The following SH2D3A variants were observed in gnomAD, a reference collection of about 807,000 sequenced individuals.
The protein encoded by SH2D3A is SH2 domain containing 3A.
SH2D3A carries 46 observed loss-of-function variants against 50.6 expected under a neutral mutation model. The ratio of observed to expected loss-of-function variants is 0.91; its 90% confidence interval spans 0.72 to 1.16. The LOEUF is 1.16. SH2D3A is among the 50% of genes most tolerant of loss of function. SH2D3A has a pLI of 0.00. For synonymous variants in SH2D3A, 377 were observed against 348.4 expected, an observed-to-expected ratio of 1.08 and a Z score of -0.91; for missense variants, 783 against 786.2, an observed-to-expected ratio of 1.00 and a Z score of 0.05.
At chr19:6,759,450 C>T (rs767225525) in intron 4 of SH2D3A, 144 bp downstream of exon 4, 2 of 728,796 alleles carry the variant, frequency 2.7e-6, no homozygotes, top group Non-Finnish European at 4.7e-6. Context: ...AAAGTCCCTG[C>T]ATGTTTTAAG....
At chr19:6,759,438 A>AC in intron 4 of SH2D3A, 156 bp downstream of exon 4, 1 of 686,008 alleles carries the variant, frequency 1.5e-6, no homozygotes, top group Non-Finnish European at 2.5e-6. Flanking sequence ...TTAAGCACCC[A>AC]CAAAGTCCCT....
rs751655346 is a variant in SH2D3A, at chr19:6,752,682, G to A, written c.1642C>T (p.Arg548Trp). 7 of 1,552,642 alleles carry A rather than the reference G, an allele frequency of 4.5e-6. No homozygotes were observed. The African/African-American group carries it at 5.5e-5, about 12-fold the overall frequency. Residue 548 changes from arginine to tryptophan, a missense_variant, in exon 10 of 10, where the codon CGG becomes TGG. Arg to Trp is a moderately radical substitution (Grantham distance 101, BLOSUM62 -3). Coordinates refer to ENST00000245908, the MANE Select transcript of SH2D3A (RefSeq NM_005490.3). ...GFVRRLLWGS[R>W]GAGAPRAERF... ...TCAGCGCGCGGAGCTCCCGCGCCCC[G>A]GCTACCCCAGAGCAGCCTCCGCACG...
Position 6,760,931 on chromosome 19 carries a change from G to C in SH2D3A, c.126C>G (p.Ser42=). 1 of 1,613,746 alleles carries C rather than the reference G, an allele frequency of 6.2e-7. No individual in the cohort carries two copies. The highest frequency in any genetic ancestry group is 1.1e-5 in the South Asian group (1 of 91,040). The change falls in exon 3 of 10, where the codon TCC becomes TCG. Residue 42 remains serine (S), a synonymous_variant. Transcript: ENST00000245908. ...NGDFLVRASG[S]RGGNPVISCR... is the part of the protein sequence containing the mutation. ...AGGAGATCACGGGGTTGCCCCCACGGGACCCAGAGGCGCGAACCAGGAAGT... is the reference window on the plus strand; with the variant it reads ...AGGAGATCACGGGGTTGCCCCCACGCGACCCAGAGGCGCGAACCAGGAAGT...
At chr19:6,761,059 A>T in intron 2 of SH2D3A, 72 bp from the exon 3 acceptor site, 2 of 1,209,668 alleles carry the variant, frequency 1.7e-6, no homozygotes, top group Non-Finnish European at 2.3e-6. Context: ...AGCTCCCCCC[A>T]CCATTGCCCC....
At chr19:6,753,685 G>GGGC in intron 8 of SH2D3A, 44 bp from the exon 9 acceptor site, 1 of 1,475,374 alleles carries the variant, frequency 6.8e-7, no homozygotes, top group Non-Finnish European at 9.0e-7. Context: ...GCTGTAGATG[G>GGGC]GGCATAGGGC....
At position 6,755,227 on chromosome 19, in the gene SH2D3A, G is replaced by T. The variant is rs571714174; in HGVS notation, c.585C>A (p.Ala195=). 6.4e-7 allele frequency: 1 copy of T among 1,553,960 alleles called. No individual in the cohort carries two copies. Among genetic ancestry groups the T allele is most frequent in the South Asian group, 1.2e-5 (1 of 82,058 alleles). The change falls in exon 5 of 10, where the codon GCC becomes GCA. Residue 195 remains alanine (A), a synonymous_variant. Transcript: ENST00000245908. Reference sequence around the variant, plus strand: ...GCCCATCGGAGGCCCTGAGACTGTCGGCAACAGTTCCCAGGGGAGCAGGGG... The same window carrying T: ...GCCCATCGGAGGCCCTGAGACTGTCTGCAACAGTTCCCAGGGGAGCAGGGG... The part of the protein sequence containing the change: ...LKAPAPLGTV[A]DSLRASDGQL...
intron 5 of SH2D3A, 40 bp from the exon 6 acceptor site, chr19:6,754,771 T>G (rs368375400): frequency 1.9e-6 from 3 of 1,613,664 alleles, no homozygotes; most frequent in African/African-American, 2.7e-5. Flanking sequence ...AGCGTGATTA[T>G]GTAGGCATGG....
At chr19:6,753,360 G>C (rs1599575759) in intron 9 of SH2D3A, 96 bp downstream of exon 9, 3 of 1,401,008 alleles carry the variant, frequency 2.1e-6, no homozygotes, top group East Asian at 5.4e-5. Flanking sequence ...GGCGTGGCGA[G>C]AGGCTCCCCT....
rs1298498823 is a variant in SH2D3A at position 6,761,043 on chromosome 19, A to C, written c.70-56T>G. 4.4e-6 allele frequency: 6 copies of C among 1,364,720 alleles called. No individual in the cohort carries two copies. The African/African-American group carries it at 5.8e-5, about 13-fold the overall frequency. 84.5% of individuals were successfully genotyped at this position (1,364,720 alleles called of 1,614,324 possible). ...TAGGAATGAGTCCAGGGCAGTGGTT[A>C]ATGGTAGCTCCCCCCACCATTGCCC... On this transcript the variant is annotated intron_variant, in intron 2 of 9. Coordinates refer to ENST00000245908, the MANE Select transcript of SH2D3A (RefSeq NM_005490.3).
chr19:6,766,667 G>A (rs946155134), intron 1 of SH2D3A, among the ~76,000 whole-genome samples: 1 of 152,210 alleles, frequency 6.6e-6, no homozygotes, highest in Non-Finnish European at 1.5e-5. Context: ...TGACTAAGGA[G>A]ATTAAAGCTC....
chr19:6,753,656 G>T lies in SH2D3A; in HGVS notation c.1385-15C>A. The T allele has an allele frequency of 6.5e-7, 1 of 1,544,972 alleles. No homozygotes were observed. On this transcript the variant is annotated splice_polypyrimidine_tract_variant and intron_variant, in intron 8 of 9. Coordinates refer to ENST00000245908, the MANE Select transcript of SH2D3A (RefSeq NM_005490.3). Reference sequence around the variant, plus strand: ...GTCGCAGGGTCCTGCGGAGGGGGAGGGTCTGATCAGGGTTTGGGGCTGTAG... The same window carrying T: ...GTCGCAGGGTCCTGCGGAGGGGGAGTGTCTGATCAGGGTTTGGGGCTGTAG...
chr19:6,760,892 GC>G lies in SH2D3A; in HGVS notation c.164del (p.Gly55AlafsTer42). ...GGAACACCTCAAAATGGAGGGCTGAGCCCCGCCAGCGGCAGGAGATCACGGG... is the reference window on the plus strand; with the variant it reads ...GGAACACCTCAAAATGGAGGGCTGAGCCCGCCAGCGGCAGGAGATCACGGG... The part of the protein sequence containing the change: ...GNPVISCRWR[G>X]SALHFEVFRV... On this transcript the variant is annotated frameshift_variant, in exon 3 of 10. Coordinates refer to ENST00000245908, the MANE Select transcript of SH2D3A (RefSeq NM_005490.3). LOFTEE classifies it high-confidence loss of function. 6.2e-7 allele frequency: 1 copy of G among 1,614,232 alleles called. No individual in the cohort carries two copies. Among genetic ancestry groups the G allele is most frequent in the Non-Finnish European group, 8.5e-7 (1 of 1,180,042 alleles).
chr19:6,757,747 C>G (rs937109319), intron 4 of SH2D3A: 3 of 152,138 alleles, frequency 2.0e-5, no homozygotes, highest in African/African-American at 7.2e-5. Context: ...GAGTTCGAGA[C>G]CAGCCTGACC....
chr19:6,763,367 G>T (rs1970131799), intron 2 of SH2D3A, among the ~76,000 whole-genome samples: 1 of 152,116 alleles, frequency 6.6e-6, no homozygotes, highest in African/African-American at 2.4e-5. Flanking sequence ...CCTGGCTTGG[G>T]AGCCTCACAT....
intron 4 of SH2D3A, among the ~76,000 whole-genome samples, chr19:6,755,638 C>G (rs1438324089): frequency 6.6e-6 from 1 of 151,720 alleles, no homozygotes; most frequent in Non-Finnish European, 1.5e-5. Context: ...ATCCTCCCTC[C>G]TCGGCCTCCC....
chr19:6,764,987 C>T lies in SH2D3A; in HGVS notation c.-68-1171G>A, dbSNP rs56653406. Among the ~76,000 whole-genome samples the T allele has an allele frequency of 2.6e-4, 39 of 147,764 alleles. 1 individual carries two copies. The East Asian group carries it at 7.1e-3, about 27-fold the overall frequency. On this transcript the variant is annotated intron_variant, in intron 1 of 9. Transcript: ENST00000245908. ...CCGCCTGCTGGTTTCAAGCAATTCTCGTGCATCGGCCTCCTCAGTAGCTGG... is the reference window on the plus strand; with the variant it reads ...CCGCCTGCTGGTTTCAAGCAATTCTTGTGCATCGGCCTCCTCAGTAGCTGG...
In SH2D3A at chr19:6,762,087, G is replaced by A. The variant is rs536149196; in HGVS notation, c.70-1100C>T. ...AATAATAGATGTAGCAGACACACGT[G>A]TGTAGCCCTTACTATATGTCAAGCA... On this transcript the variant is annotated intron_variant, in intron 2 of 9. Coordinates refer to ENST00000245908, the MANE Select transcript of SH2D3A (RefSeq NM_005490.3). 1.1e-4 allele frequency among the ~76,000 whole-genome samples: 17 copies of A among 152,250 alleles called. No homozygotes were observed. The South Asian group carries it at 3.5e-3, about 32-fold the overall frequency.
Position 6,752,738 on chromosome 19 carries a change from G to A in SH2D3A, c.1586C>T (p.Pro529Leu). ...GGTGGTCAGGGCCTCCCTCAGCTCC[G>A]GGTTAGGCCGGAATCCTGGAAGCAA... ...AQRLRGFRPN[P>L]ELREALTTGF... The change falls in exon 10 of 10, where the codon CCG becomes CTG. Residue 529 changes from proline to leucine, a missense_variant. Coordinates refer to ENST00000245908, the MANE Select transcript of SH2D3A (RefSeq NM_005490.3). 2 of 1,543,402 alleles carry A rather than the reference G, an allele frequency of 1.3e-6. No homozygotes were observed. The highest frequency in any genetic ancestry group is 1.4e-5 in the African/African-American group (1 of 73,094).
At chr19:6,760,240 G>A (rs10416659) in intron 3 of SH2D3A, among the ~76,000 whole-genome samples, 19,101 of 152,208 alleles carry the variant, frequency 0.13, 1,299 homozygotes, top group South Asian at 0.21. Flanking sequence ...GCCAGGCATG[G>A]TGGTGCACGC....
Sources: allele counts gnomAD v4.1 joint callset (sites outside exome capture counted in the v4.1 genomes callset), GRCh38; gene constraint gnomAD v4.1.1; transcripts MANE v1.5; gene names NCBI Gene and HGNC (gene_info 2026-07-23, HGNC 2026-07-21).